ZNF624: variants seen among roughly 807,000 people sequenced by gnomAD.
ZNF624 encodes the protein zinc finger protein 624.
ZNF624 carries 43 observed loss-of-function variants against 74.7 expected under a neutral mutation model. The ratio of observed to expected loss-of-function variants is 0.58; its 90% confidence interval spans 0.45 to 0.74. ZNF624 has a LOEUF of 0.74. Ranked by LOEUF, ZNF624 falls within the 30% of genes least tolerant of loss-of-function variation. The pLI is 0.00. For synonymous variants in ZNF624, 331 were observed against 341.3 expected (o/e 0.97, Z 0.33); for missense variants, 820 against 1,030.0 (o/e 0.80, Z 2.79).
At chr17:16,637,088 G>A (rs1909350970) in intron 3 of ZNF624, among the ~76,000 whole-genome samples, 1 of 152,130 alleles carries the variant, frequency 6.6e-6, no homozygotes, top group African/African-American at 2.4e-5. Context: ...CAGACAAACA[G>A]AGAACCAAAT....
downstream of ZNF624, chr17:16,617,965 A>G: frequency 1.2e-6 from 1 of 826,318 alleles, no homozygotes; most frequent in South Asian, 1.5e-5. Flanking sequence ...CGGGGACGGC[A>G]AGAGCCCGAA....
chr17:16,630,843 A>G (rs1909189744), intron 5 of ZNF624, among the ~76,000 whole-genome samples: 1 of 150,394 alleles, frequency 6.6e-6, no homozygotes, highest in African/African-American at 2.4e-5. Context: ...AAAAAAATTA[A>G]ATGAACTAAA....
intron 5 of ZNF624, among the ~76,000 whole-genome samples, chr17:16,632,756 C>G (rs1179110284): frequency 6.6e-6 from 1 of 152,150 alleles, no homozygotes; most frequent in Non-Finnish European, 1.5e-5. Context: ...AGTTCAATCT[C>G]TATAAACAGG....
At chr17:16,617,617 C>T (rs1908816937), downstream of ZNF624, 3 of 1,602,702 alleles carry the variant, frequency 1.9e-6, no homozygotes, top group South Asian at 3.3e-5. Flanking sequence ...CTGTATCCAC[C>T]TCCACCACGG....
rs756236807 is a variant in ZNF624 at position 16,623,799 on chromosome 17, T to C, written c.1087A>G (p.Asn363Asp). 8 of 1,613,946 alleles carry C rather than the reference T, an allele frequency of 5.0e-6. No homozygotes were observed. In the African/African-American group the frequency reaches 9.3e-5, roughly 19 times the overall value. ...TGGCTAAAAGATTTCCCACACACAT[T>C]ACACTGATAAGGTTTCTCTTTAGTG... Reference protein sequence around the residue: ...IHTKEKPYQCNVCGKSFSQCA... With the variant: ...IHTKEKPYQCDVCGKSFSQCA... The change falls in exon 6 of 6, where the codon AAT (asparagine) becomes GAT (aspartate). Residue 363 changes from asparagine to aspartate, a missense_variant. Asn to Asp is a conservative substitution (Grantham distance 23, BLOSUM62 1). Transcript: ENST00000311331. This position sits in a 1 kb window ranked among gnomAD's most constrained non-coding sequence, Gnocchi z 5.3.
rs369452965 is a variant in ZNF624, at chr17:16,639,066, A to C, written c.154-4310T>G. On this transcript the variant is annotated intron_variant, in intron 3 of 5. Transcript: ENST00000311331. ...TAGATGTCTTGCCCAAAGTCAAAGA[A>C]GCAGAAGAATCTAGATTCAAATCCA... 2.0e-5 allele frequency among the ~76,000 whole-genome samples: 3 copies of C among 152,292 alleles called. No individual in the cohort carries two copies. In the East Asian group the frequency reaches 5.8e-4, roughly 29 times the overall value.
At chr17:16,634,361 A>T (rs1441094256) in intron 4 of ZNF624, among the ~76,000 whole-genome samples, 1 of 152,188 alleles carries the variant, frequency 6.6e-6, no homozygotes, top group Non-Finnish European at 1.5e-5. Context: ...TTTCTTCTAG[A>T]GGTACTGATA....
At chr17:16,634,798 A>G (rs1909288387) in intron 3 of ZNF624, 42 bp from the exon 4 acceptor site, 2 of 1,570,824 alleles carry the variant, frequency 1.3e-6, no homozygotes, top group African/African-American at 1.4e-5. Context: ...CTATACAATT[A>G]GACTTGTTAG....
At position 16,629,269 on chromosome 17, in the gene ZNF624, C is replaced by T. The variant is rs542834883; in HGVS notation, c.376+4593G>A. Among the ~76,000 whole-genome samples, 327 of 149,130 alleles carry T rather than the reference C, an allele frequency of 2.2e-3. 1 individual carries two copies. Among genetic ancestry groups the T allele is most frequent in the Middle Eastern group, 0.018 (5 of 284 alleles). The stretch of plus-strand genomic sequence containing the variant: ...TTTTAAACAGTGTCTTGCTCTGTCA[C>T]CCAGGCTGGAGTGCAGTGGATTGGA... On this transcript the variant is annotated intron_variant, in intron 5 of 5. Coordinates refer to ENST00000311331, the MANE Select transcript of ZNF624 (RefSeq NM_020787.4).
chr17:16,636,632 C>G (rs894919398), intron 3 of ZNF624, among the ~76,000 whole-genome samples: 1 of 152,026 alleles, frequency 6.6e-6, no homozygotes, highest in Non-Finnish European at 1.5e-5. Flanking sequence ...GTCAGGAGAT[C>G]GAGACCATTC....
At chr17:16,616,809 T>A (rs1292315716), downstream of ZNF624, 1 of 924,798 alleles carries the variant, frequency 1.1e-6, no homozygotes, top group African/African-American at 1.7e-5. Context: ...AGCAGGAAAG[T>A]GTTCCATAAT....
chr17:16,637,306 G>C (rs970665545), intron 3 of ZNF624, among the ~76,000 whole-genome samples: 2 of 152,212 alleles, frequency 1.3e-5, no homozygotes, highest in Admixed American at 6.5e-5. Context: ...GTAATTTATA[G>C]ATTCAACGCC....
intron 5 of ZNF624, among the ~76,000 whole-genome samples, chr17:16,626,505 C>T (rs1909076187): frequency 6.6e-6 from 1 of 151,926 alleles, no homozygotes; most frequent in African/African-American, 2.4e-5. Context: ...ATAATCCCAG[C>T]ACTTTGGGAG....
chr17:16,636,084 C>A (rs568314425), intron 3 of ZNF624, among the ~76,000 whole-genome samples: 2 of 152,182 alleles, frequency 1.3e-5, no homozygotes, highest in East Asian at 3.9e-4. Context: ...ACACAGGAGA[C>A]AACTTGAAGA....
In ZNF624 at chr17:16,645,829, G is replaced by A. The variant is rs568930071; in HGVS notation, c.153+1500C>T. ...TAGCCGCCCGTGGTAGTAGGTCCCTGTAATCCCGGCTACTCGGGAGGCTGA... is the reference window on the plus strand; with the variant it reads ...TAGCCGCCCGTGGTAGTAGGTCCCTATAATCCCGGCTACTCGGGAGGCTGA... On this transcript the variant is annotated intron_variant, in intron 3 of 5. Coordinates refer to ENST00000311331, the MANE Select transcript of ZNF624 (RefSeq NM_020787.4). 2.7e-4 allele frequency among the ~76,000 whole-genome samples: 40 copies of A among 149,842 alleles called. 1 individual carries two copies. Among genetic ancestry groups the A allele is most frequent in the Admixed American group, 2.0e-3 (30 of 14,906 alleles).
downstream of ZNF624, chr17:16,617,824 G>T: frequency 6.2e-7 from 1 of 1,611,930 alleles, no homozygotes; most frequent in Non-Finnish European, 8.5e-7. Flanking sequence ...CTGAAAAAGC[G>T]CTGGATGGCC....
At chr17:16,647,265 G>GA in intron 3 of ZNF624, 64 bp downstream of exon 3, 1 of 1,337,956 alleles carries the variant, frequency 7.5e-7, no homozygotes, top group Non-Finnish European at 1.1e-6. Flanking sequence ...GGAACATTGA[G>GA]AATCAGAGGC....
chr17:16,623,209 A>G lies in ZNF624; in HGVS notation c.1677T>C (p.Thr559=). ...AACGCATGAAGGCCTTTCCACATTCAGTACATTTATAAGGTTTCTCTCCTG... is the reference window on the plus strand; with the variant it reads ...AACGCATGAAGGCCTTTCCACATTCGGTACATTTATAAGGTTTCTCTCCTG... The part of the protein sequence containing the change: ...MHTGEKPYKC[T]ECGKAFMRSS... Residue 559 remains threonine, a synonymous_variant, in exon 6 of 6, where the codon ACT becomes ACC. Transcript: ENST00000311331. The surrounding 1 kb of genome is among the most constrained non-coding windows in gnomAD (Gnocchi z 5.3). 6.2e-7 allele frequency: 1 copy of G among 1,613,892 alleles called. No individual in the cohort carries two copies. Among genetic ancestry groups the G allele is most frequent in the South Asian group, 1.1e-5 (1 of 91,066 alleles).
At chr17:16,620,726 C>T (rs142628480), downstream of ZNF624, 4 of 152,150 alleles carry the variant, frequency 2.6e-5, no homozygotes, top group African/African-American at 4.8e-5. Context: ...ATAAATAAAA[C>T]GCACAACGAA....
Sources: allele counts gnomAD v4.1 joint callset (sites outside exome capture counted in the v4.1 genomes callset), GRCh38; gene constraint gnomAD v4.1.1; non-coding constraint Gnocchi (gnomAD v3.1); transcripts MANE v1.5; gene names NCBI Gene and HGNC (gene_info 2026-07-23, HGNC 2026-07-21).